Variants in TMEM150C observed in about 807,000 individuals in gnomAD.
The protein encoded by TMEM150C is transmembrane protein 150C, also known as tentonin 3.
Under a neutral mutation model 29.9 loss-of-function variants are expected in TMEM150C, and 10 were observed. The ratio of observed to expected loss-of-function variants is 0.33; its 90% CI spans 0.21 to 0.57. TMEM150C has a LOEUF of 0.57. Among genes scored for constraint, TMEM150C ranks in the 20% least tolerant of loss-of-function variants. TMEM150C has a pLI of 0.88. For missense variants in TMEM150C, 251 were observed against 303.6 expected, an observed-to-expected ratio of 0.83 and a Z score of 1.29; for synonymous variants, 101 against 112.5, an observed-to-expected ratio of 0.90 and a Z score of 0.64.
At chr4:82,554,518 T>C (rs1438821304) in intron 1 of TMEM150C, among the ~76,000 whole-genome samples, 2 of 152,210 alleles carry the variant, frequency 1.3e-5, no homozygotes, top group African/African-American at 4.8e-5. Flanking sequence ...ACAGTTTTAA[T>C]TTATGCTTTA....
rs893109064 is a variant in TMEM150C at position 82,527,019 on chromosome 4, C to CTTTTT, written c.-10-22357_-10-22353dup. 2.9e-4 allele frequency among the ~76,000 whole-genome samples: 22 copies of CTTTTT among 74,690 alleles called. 1 individual carries two copies. The highest frequency in any genetic ancestry group is 4.3e-4 in the Non-Finnish European group (18 of 41,554). 49.0% of individuals were successfully genotyped at this position (74,690 alleles called of 152,430 possible). ...CCTCACCACCCAGATCATACTGGGT[C>CTTTTT]TTTTTTTTTTTTTTTTTTTTTTTTG... is the stretch of plus-strand genomic sequence containing the variant. On this transcript the variant is annotated intron_variant, in intron 1 of 7. Transcript: ENST00000449862.
At position 82,557,477 on chromosome 4, in the gene TMEM150C, C is replaced by T. The variant is rs185706564; in HGVS notation, c.-11+4429G>A. 6.2e-3 allele frequency among the ~76,000 whole-genome samples: 940 copies of T among 152,182 alleles called. 12 individuals are homozygous for T. The highest frequency in any genetic ancestry group is 0.021 in the African/African-American group (871 of 41,532). On this transcript the variant is annotated intron_variant, in intron 1 of 7. Coordinates refer to ENST00000449862, the MANE Select transcript of TMEM150C (RefSeq NM_001080506.3). Reference sequence around the variant, plus strand: ...TACTTCCTACCTTTCTCTGAACCTCCTCTCCCTTGAAAAATTGAAACGTAC... The same window carrying T: ...TACTTCCTACCTTTCTCTGAACCTCTTCTCCCTTGAAAAATTGAAACGTAC...
At chr4:82,534,108 T>C (rs1724934337) in intron 1 of TMEM150C, among the ~76,000 whole-genome samples, 1 of 121,676 alleles carries the variant, frequency 8.2e-6, no homozygotes, top group Admixed American at 7.2e-5. Flanking sequence ...AAAGAAAGAG[T>C]AGGCCACCAA....
At chr4:82,547,602 A>G (rs1725430004) in intron 1 of TMEM150C, among the ~76,000 whole-genome samples, 1 of 152,102 alleles carries the variant, frequency 6.6e-6, no homozygotes, top group Admixed American at 6.6e-5. Context: ...TAAAAAAAAA[A>G]GAAAAAAAAG....
At chr4:82,530,285 C>G (rs537666570) in intron 1 of TMEM150C, among the ~76,000 whole-genome samples, 1 of 151,936 alleles carries the variant, frequency 6.6e-6, no homozygotes, top group African/African-American at 2.4e-5. Flanking sequence ...GGGCCAGGCA[C>G]GGTGGCTCAA....
chr4:82,525,754 A>T (rs1724632029), intron 1 of TMEM150C, among the ~76,000 whole-genome samples: 1 of 152,152 alleles, frequency 6.6e-6, no homozygotes, highest in African/African-American at 2.4e-5. Flanking sequence ...ATATGATCAC[A>T]TGCACACAGC....
chr4:82,558,986 A>G (rs1229791666), intron 1 of TMEM150C, among the ~76,000 whole-genome samples: 1 of 151,970 alleles, frequency 6.6e-6, no homozygotes, highest in African/African-American at 2.4e-5. Flanking sequence ...CCCCACCCTT[A>G]AGAAGGTTCT....
intron 1 of TMEM150C, among the ~76,000 whole-genome samples, chr4:82,550,588 CAGG>C (rs1725540454): frequency 6.6e-6 from 1 of 151,892 alleles, no homozygotes; most frequent in Non-Finnish European, 1.5e-5. Context: ...ATCACGAGGT[CAGG>C]AGATCAAGAC....
At position 82,485,735 on chromosome 4, in the gene TMEM150C, C is replaced by T; in HGVS notation, c.542-16G>A. ...AGGATGAAGTCTGGGGAGAAGCAGT[C>T]AAGGAAAATACCCTCATCAGCCACA... is the stretch of plus-strand genomic sequence containing the variant. On this transcript the variant is annotated splice_polypyrimidine_tract_variant and intron_variant, in intron 7 of 7. Transcript: ENST00000449862. 6.3e-7 allele frequency: 1 copy of T among 1,590,830 alleles called. No individual in the cohort carries two copies. The highest frequency in any genetic ancestry group is 8.6e-7 in the Non-Finnish European group (1 of 1,168,506).
chr4:82,561,408 G>A (rs1055699721), intron 1 of TMEM150C, among the ~76,000 whole-genome samples: 24 of 152,218 alleles, frequency 1.6e-4, no homozygotes, highest in Non-Finnish European at 4.4e-5. Flanking sequence ...CCTGCTTCCC[G>A]AGCCAGCCTG....
At chr4:82,494,088 C>T (rs1723459278) in intron 6 of TMEM150C, among the ~76,000 whole-genome samples, 1 of 152,132 alleles carries the variant, frequency 6.6e-6, no homozygotes. Context: ...ACTAAATGAA[C>T]GATAGAATGC....
chr4:82,518,209 G>A (rs1459847676), intron 1 of TMEM150C, among the ~76,000 whole-genome samples: 1 of 152,090 alleles, frequency 6.6e-6, no homozygotes, highest in Non-Finnish European at 1.5e-5. Context: ...CCAGCTACTG[G>A]GGAGACTGAG....
chr4:82,530,424 G>A (rs1370918560), intron 1 of TMEM150C, among the ~76,000 whole-genome samples: 2 of 152,118 alleles, frequency 1.3e-5, no homozygotes, highest in African/African-American at 4.8e-5. Flanking sequence ...GGGTGTGGTG[G>A]CGGGTGCCTG....
At chr4:82,536,789 A>G (rs1045992858) in intron 1 of TMEM150C, among the ~76,000 whole-genome samples, 2 of 152,230 alleles carry the variant, frequency 1.3e-5, no homozygotes, top group Admixed American at 6.5e-5. Flanking sequence ...TCAATGACAA[A>G]CTAGAAAAAT....
chr4:82,556,588 C>T (rs893478265), intron 1 of TMEM150C, among the ~76,000 whole-genome samples: 11 of 152,024 alleles, frequency 7.2e-5, no homozygotes, highest in African/African-American at 9.7e-5. Context: ...CTGAGGTGGG[C>T]GGATCCCTTG....
intron 1 of TMEM150C, among the ~76,000 whole-genome samples, chr4:82,508,481 T>C (rs530823501): frequency 6.6e-6 from 1 of 151,950 alleles, no homozygotes; most frequent in Non-Finnish European, 1.5e-5. Flanking sequence ...TTTTTTTTTT[T>C]TTGAGATGGG....
At chr4:82,546,854 T>A (rs1578154696) in intron 1 of TMEM150C, among the ~76,000 whole-genome samples, 2 of 151,986 alleles carry the variant, frequency 1.3e-5, no homozygotes, top group African/African-American at 4.8e-5. Context: ...ATAAAATAAA[T>A]AAAACTGGAC....
chr4:82,495,409 A>C (rs550411555), intron 6 of TMEM150C: 58 of 282,730 alleles, frequency 2.1e-4, no homozygotes, highest in Non-Finnish European at 3.9e-4. Context: ...CCACTGCGCT[A>C]AAACCTGGGC....
chr4:82,513,316 C>T (rs912424178), intron 1 of TMEM150C, among the ~76,000 whole-genome samples: 1 of 152,166 alleles, frequency 6.6e-6, no homozygotes, highest in African/African-American at 2.4e-5. Flanking sequence ...AGTGAACCTC[C>T]AGCAAACTCC....
Sources: gnomAD v4.1 joint callset for allele counts (sites outside exome capture counted in the v4.1 genomes callset) on GRCh38, gnomAD v4.1.1 for gene constraint, MANE v1.5 for transcripts, NCBI Gene and HGNC (gene_info 2026-07-23, HGNC 2026-07-21) for gene names.